SRGAP3: variants seen among roughly 807,000 people sequenced by gnomAD.
The protein encoded by SRGAP3 is SLIT-ROBO Rho GTPase-activating protein 3.
SRGAP3 carries 39 observed loss-of-function variants against 121.1 expected under a neutral mutation model. That is an observed-to-expected ratio of 0.32 (90% CI 0.25 to 0.42). The LOEUF is 0.42. Ranked by LOEUF, SRGAP3 falls within the 10% of genes least tolerant of loss-of-function variation. The pLI is 1.00. For missense variants in SRGAP3, 1,213 were observed against 1,470.6 expected (o/e 0.82, Z 2.86); for synonymous variants, 601 against 570.0 (o/e 1.05, Z -0.77).
intron 1 of SRGAP3, among the ~76,000 whole-genome samples, chr3:9,223,954 C>T (rs1258557942): frequency 6.6e-6 from 1 of 152,138 alleles, no homozygotes; most frequent in East Asian, 1.9e-4. Context: ...AATTAGCTCC[C>T]AGCACTACAC....
intron 1 of SRGAP3, among the ~76,000 whole-genome samples, chr3:9,147,324 G>A (rs532133805): frequency 2.2e-4 from 34 of 152,330 alleles, no homozygotes; most frequent in African/African-American, 7.9e-4. Context: ...TAAGGGGTCA[G>A]TAGGCTCAAG....
At chr3:9,300,684 G>C (rs1335667683) in intron 3 of SRGAP3, among the ~76,000 whole-genome samples, 5 of 152,146 alleles carry the variant, frequency 3.3e-5, no homozygotes, top group African/African-American at 1.2e-4. Context: ...GGGAGAGAGG[G>C]GAGAAATTTT....
chr3:9,268,101 T>C, intron 3 of SRGAP3, among the ~76,000 whole-genome samples: 1 of 152,112 alleles, frequency 6.6e-6, no homozygotes, highest in East Asian at 1.9e-4. Context: ...CCACCAACCA[T>C]GTGAGTCAGC....
chr3:9,238,354 A>G (rs965125127), intron 1 of SRGAP3, among the ~76,000 whole-genome samples: 9 of 152,164 alleles, frequency 5.9e-5, no homozygotes, highest in African/African-American at 2.2e-4. Flanking sequence ...TCATTGCCTC[A>G]GGGATAATGC....
rs528683396 is a variant in SRGAP3, at chr3:9,306,835, C to CATGTCATTT, written n.442+19174_442+19175insAAATGACAT. Among the ~76,000 whole-genome samples the CATGTCATTT allele has an allele frequency of 5.9e-3, 904 of 152,322 alleles. 8 individuals carry two copies. The highest frequency in any genetic ancestry group is 0.02 in the African/African-American group (820 of 41,566). ...GTCACAAAAATGACAACCTATTATA[C>CATGTCATTT]ATGTCATTCTATAAAGTATTTTTTT... On this transcript the variant is annotated intron_variant and non_coding_transcript_variant, in intron 3 of 3. Coordinates refer to the SRGAP3 transcript ENST00000490889.
At chr3:9,027,382 G>A (rs533839315) in intron 12 of SRGAP3, among the ~76,000 whole-genome samples, 41 of 152,200 alleles carry the variant, frequency 2.7e-4, no homozygotes, top group African/African-American at 9.4e-4. Context: ...TTTTCTCAGT[G>A]CTCAAGGATC....
At chr3:9,248,080 C>T (rs1172864230) in intron 1 of SRGAP3, among the ~76,000 whole-genome samples, 1 of 152,256 alleles carries the variant, frequency 6.6e-6, no homozygotes, top group African/African-American at 2.4e-5. Context: ...ACAGAAGGTG[C>T]AACCAGCAGC....
At chr3:8,988,888 G>A (rs1421166262) in intron 21 of SRGAP3, among the ~76,000 whole-genome samples, 1 of 152,200 alleles carries the variant, frequency 6.6e-6, no homozygotes, top group Non-Finnish European at 1.5e-5. Flanking sequence ...TGATCTGACA[G>A]GAGGCAGAGC....
intron 1 of SRGAP3, among the ~76,000 whole-genome samples, chr3:9,191,149 C>T (rs1161672200): frequency 2.0e-5 from 3 of 152,014 alleles, no homozygotes; most frequent in Non-Finnish European, 4.4e-5. Context: ...GGTGTGGAGT[C>T]GCCCTCATTC....
At chr3:8,988,850 A>G (rs1316420915) in intron 21 of SRGAP3, among the ~76,000 whole-genome samples, 1 of 152,166 alleles carries the variant, frequency 6.6e-6, no homozygotes, top group African/African-American at 2.4e-5. Context: ...AACAGGGTTC[A>G]CGGCCTGTGA....
At chr3:9,312,111 A>G (rs186542098) in intron 3 of SRGAP3, among the ~76,000 whole-genome samples, 18 of 152,282 alleles carry the variant, frequency 1.2e-4, no homozygotes, top group African/African-American at 4.1e-4. Flanking sequence ...ACTGACAATT[A>G]GCTGAGATTC....
At chr3:9,038,225 C>T (rs1027506799) in intron 10 of SRGAP3, 135 bp from the exon 11 acceptor site, 46 of 1,233,514 alleles carry the variant, frequency 3.7e-5, no homozygotes, top group Non-Finnish European at 4.8e-5. Flanking sequence ...GCCTAAGGTG[C>T]GGTCTGTTGA....
intron 1 of SRGAP3, among the ~76,000 whole-genome samples, chr3:9,247,052 A>G (rs1953851779): frequency 6.6e-6 from 1 of 152,242 alleles, no homozygotes; most frequent in South Asian, 2.1e-4. Context: ...AAATGAGATA[A>G]GCACATTTCC....
intron 2 of SRGAP3, among the ~76,000 whole-genome samples, chr3:9,105,837 T>C (rs935590897): frequency 6.6e-6 from 1 of 152,184 alleles, no homozygotes; most frequent in Non-Finnish European, 1.5e-5. Context: ...AAGTTGAAAA[T>C]GCATTTAGTA....
chr3:8,998,769 T>G (rs2124970119), intron 18 of SRGAP3, among the ~76,000 whole-genome samples: 1 of 152,224 alleles, frequency 6.6e-6, no homozygotes, highest in East Asian at 1.9e-4. Context: ...ATGAACAAAT[T>G]AAGCTTTTAC....
In SRGAP3 at chr3:8,982,151, G is replaced by A. The variant is rs571400448; in HGVS notation, c.*3368C>T. ...CAGGAAACTAGACCAGGAATTAATT[G>A]TCTTTGGTCAGTTTTAAATGAACAA... On this transcript the variant is annotated 3_prime_UTR_variant, in exon 22 of 22. Coordinates refer to ENST00000383836, the MANE Select transcript of SRGAP3 (RefSeq NM_014850.4). 4.4e-6 allele frequency: 1 copy of A among 226,084 alleles called. No homozygotes were observed. Among genetic ancestry groups the A allele is most frequent in the East Asian group, 6.4e-5 (1 of 15,608 alleles). The allele number at this position is 226,084 out of a possible 1,614,324, so 14.0% of individuals were successfully genotyped here. A position where few individuals can be genotyped will look rare whatever the true frequency, so the allele number is the denominator to read the frequency against.
intron 1 of SRGAP3, among the ~76,000 whole-genome samples, chr3:9,209,558 A>G (rs1240402230): frequency 6.6e-6 from 1 of 152,238 alleles, no homozygotes; most frequent in Non-Finnish European, 1.5e-5. Flanking sequence ...CTCTTAGAAG[A>G]CCACTTTGAT....
chr3:9,344,112 G>A (rs1245582986), intron 1 of SRGAP3, among the ~76,000 whole-genome samples: 2 of 151,792 alleles, frequency 1.3e-5, no homozygotes, highest in Non-Finnish European at 2.9e-5. Context: ...CTGAGGTCAG[G>A]AGTTGGAGAC....
rs566616476 is a variant in SRGAP3, at chr3:9,254,797, G to A, written n.442+71213C>T. On this transcript the variant is annotated intron_variant and non_coding_transcript_variant, in intron 3 of 3. Coordinates refer to the SRGAP3 transcript ENST00000490889. ...AGCCTGGGCAACAGAGCAAGGCTCT[G>A]AAAAAAAGAAAGAAAGAAAAAGAGA... 4.7e-3 allele frequency among the ~76,000 whole-genome samples: 594 copies of A among 126,984 alleles called. 2 individuals carry two copies. The highest frequency in any genetic ancestry group is 0.015 in the African/African-American group (535 of 34,666). 83.3% of individuals were successfully genotyped at this position (126,984 alleles called of 152,430 possible).
Sources: allele counts gnomAD v4.1 joint callset (sites outside exome capture counted in the v4.1 genomes callset), GRCh38; gene constraint gnomAD v4.1.1; transcripts MANE v1.5; gene names NCBI Gene and HGNC (gene_info 2026-07-23, HGNC 2026-07-21).